The following NDST3 variants were observed in gnomAD, a reference collection of about 807,000 sequenced individuals.
NDST3 encodes the protein bifunctional heparan sulfate N-deacetylase/N-sulfotransferase 3.
NDST3 carries 58 observed loss-of-function variants against 96.1 expected under a neutral mutation model. The ratio of observed to expected loss-of-function variants is 0.60; its 90% confidence interval spans 0.49 to 0.75. The LOEUF is 0.75. NDST3 is among the 30% of genes least tolerant of loss of function. NDST3 has a pLI of 0.00. For synonymous variants in NDST3, 333 were observed against 359.7 expected (o/e 0.93, Z 0.84); for missense variants, 788 against 1,034.2 (o/e 0.76, Z 3.27).
At chr4:118,165,785 G>T (rs75662543) in intron 6 of NDST3, among the ~76,000 whole-genome samples, 1 of 151,718 alleles carries the variant, frequency 6.6e-6, no homozygotes, top group African/African-American at 2.4e-5. Context: ...CAAATATGTG[G>T]AAATTAAATA....
intron 6 of NDST3, among the ~76,000 whole-genome samples, chr4:118,208,699 T>G (rs1315998706): frequency 6.9e-6 from 1 of 144,388 alleles, no homozygotes; most frequent in Non-Finnish European, 1.5e-5. Flanking sequence ...CTTTGAGTCT[T>G]TACTCTCTAC....
chr4:118,217,628 G>A (rs1739275666), intron 6 of NDST3, among the ~76,000 whole-genome samples: 1 of 151,874 alleles, frequency 6.6e-6, no homozygotes, highest in Admixed American at 6.6e-5. Flanking sequence ...TTCTGGTCTG[G>A]GGATCTAAGT....
At chr4:118,068,065 T>C (rs1435376603) in intron 2 of NDST3, among the ~76,000 whole-genome samples, 1 of 152,026 alleles carries the variant, frequency 6.6e-6, no homozygotes, top group Admixed American at 6.6e-5. Flanking sequence ...ATTGTTTCTC[T>C]ATTGTAATTG....
chr4:118,067,294 G>T (rs368436310), intron 2 of NDST3, among the ~76,000 whole-genome samples: 2 of 151,878 alleles, frequency 1.3e-5, no homozygotes, highest in African/African-American at 4.8e-5. Context: ...AAGTAAGTTA[G>T]GTTAATATTC....
chr4:118,224,725 C>A, intron 7 of NDST3, 52 bp downstream of exon 7: 2 of 1,431,846 alleles, frequency 1.4e-6, no homozygotes, highest in South Asian at 1.6e-5. Context: ...GAACATAATT[C>A]TGTGAGATAT....
intron 2 of NDST3, among the ~76,000 whole-genome samples, chr4:118,091,715 T>G (rs1728880928): frequency 1.3e-5 from 2 of 151,706 alleles, no homozygotes; most frequent in African/African-American, 4.8e-5. Context: ...CCTGTTACAG[T>G]AGCAATATGT....
chr4:118,072,271 C>A (rs1385032754), intron 2 of NDST3, among the ~76,000 whole-genome samples: 1 of 151,846 alleles, frequency 6.6e-6, no homozygotes, highest in Non-Finnish European at 1.5e-5. Context: ...TGAAGAATGT[C>A]ATTGATAGTT....
At chr4:118,194,273 T>C in intron 6 of NDST3, 1 of 729,148 alleles carries the variant, frequency 1.4e-6, no homozygotes, top group Non-Finnish European at 2.5e-6. Flanking sequence ...GGGCCTGGGA[T>C]AGCCTTCACC....
chr4:118,230,588 A>G (rs1740217079), intron 8 of NDST3, among the ~76,000 whole-genome samples: 1 of 151,962 alleles, frequency 6.6e-6, no homozygotes. Context: ...AAAAAAAAAA[A>G]GAAGTGAAAT....
At chr4:118,168,758 G>C (rs917947783) in intron 6 of NDST3, among the ~76,000 whole-genome samples, 2 of 152,130 alleles carry the variant, frequency 1.3e-5, no homozygotes, top group African/African-American at 4.8e-5. Context: ...AAAAAACGTA[G>C]TATATTCATA....
At chr4:118,231,194 G>A (rs1740265155) in intron 8 of NDST3, among the ~76,000 whole-genome samples, 1 of 151,906 alleles carries the variant, frequency 6.6e-6, no homozygotes. Flanking sequence ...AAATTAGCTG[G>A]GCATGGTGGC....
At chr4:118,253,825 T>A (rs1297328801) in intron 13 of NDST3, among the ~76,000 whole-genome samples, 1 of 152,184 alleles carries the variant, frequency 6.6e-6, no homozygotes, top group Non-Finnish European at 1.5e-5. Flanking sequence ...ACATTCTGAA[T>A]AAGAACAAAG....
At chr4:118,144,080 ATAG>A (rs1323874226) in intron 6 of NDST3, among the ~76,000 whole-genome samples, 7 of 152,130 alleles carry the variant, frequency 4.6e-5, no homozygotes, top group African/African-American at 1.7e-4. Flanking sequence ...TAGAAGCAAA[ATAG>A]TAGAGGAATT....
At chr4:118,143,246 T>A (rs577893117) in intron 5 of NDST3, among the ~76,000 whole-genome samples, 5 of 152,296 alleles carry the variant, frequency 3.3e-5, no homozygotes, top group African/African-American at 7.2e-5. Context: ...TCTTTTTTTT[T>A]AATCTCTTAA....
intron 6 of NDST3, among the ~76,000 whole-genome samples, chr4:118,152,167 A>C (rs1191605799): frequency 1.3e-5 from 2 of 152,176 alleles, no homozygotes; most frequent in Admixed American, 6.5e-5. Context: ...CTCAAATCAA[A>C]AGCATAAGGA....
At chr4:118,104,937 T>C (rs1336977043) in intron 2 of NDST3, 81 bp from the exon 3 acceptor site, 7 of 1,121,608 alleles carry the variant, frequency 6.2e-6, no homozygotes, top group African/African-American at 4.7e-5. Flanking sequence ...TTTTATCCTC[T>C]GAATGCAAAA....
At chr4:118,235,825 A>G (rs1015715499) in intron 9 of NDST3, among the ~76,000 whole-genome samples, 2 of 152,216 alleles carry the variant, frequency 1.3e-5, no homozygotes, top group African/African-American at 2.4e-5. Context: ...CCAGAATTAC[A>G]TATCACCAAC....
chr4:118,066,958 T>C lies in NDST3; in HGVS notation c.981+12067T>C, dbSNP rs149554297. Among the ~76,000 whole-genome samples the C allele has an allele frequency of 5.2e-5, 7 of 133,368 alleles. 2 individuals carry two copies. The highest frequency in any genetic ancestry group is 2.2e-4 in the South Asian group (1 of 4,588). The allele number at this position is 133,368 out of a possible 152,430, so 87.5% of individuals were successfully genotyped here. On this transcript the variant is annotated intron_variant, in intron 2 of 13. Transcript: ENST00000296499. Reference sequence around the variant, plus strand: ...TATAACATGTTATATATTATATATATATATATAGTGCTAGAACAACATATA... The same window carrying C: ...TATAACATGTTATATATTATATATACATATATAGTGCTAGAACAACATATA...
rs1553941347 is a variant in NDST3 at position 118,184,602 on chromosome 4, T to TACAAACAC, written c.1540-39886_1540-39885insAACACACA. Among the ~76,000 whole-genome samples the TACAAACAC allele has an allele frequency of 3.0e-4, 41 of 138,580 alleles. No homozygotes were observed. The East Asian group carries it at 8.0e-3, about 27-fold the overall frequency. The allele number at this position is 138,580 out of a possible 152,430, so 90.9% of individuals were successfully genotyped here. ...CTCCCTTTGTCTCTCTCTCTCTCTCTACACACACACACACACACACACACA... is the reference window on the plus strand; with the variant it reads ...CTCCCTTTGTCTCTCTCTCTCTCTCTACAAACACACACACACACACACACACACACACA... On this transcript the variant is annotated intron_variant, in intron 6 of 13. Transcript: ENST00000296499.
Sources: gnomAD v4.1 joint callset for allele counts (sites outside exome capture counted in the v4.1 genomes callset) on GRCh38, gnomAD v4.1.1 for gene constraint, MANE v1.5 for transcripts, NCBI Gene and HGNC (gene_info 2026-07-23, HGNC 2026-07-21) for gene names.